AOPEP: variants seen among roughly 807,000 people sequenced by gnomAD.
The protein encoded by AOPEP is aminopeptidase O (putative), also known as aminopeptidase O.
A neutral mutation model predicts 98.1 loss-of-function variants in AOPEP; 77 were observed. The ratio of observed to expected loss-of-function variants is 0.78; its 90% CI spans 0.65 to 0.95. The LOEUF is 0.95. Among genes scored for constraint, AOPEP ranks in the 40% least tolerant of loss-of-function variants. AOPEP has a pLI of 0.00. For synonymous variants in AOPEP, 346 were observed against 365.3 expected, an observed-to-expected ratio of 0.95 and a Z score of 0.60; for missense variants, 1,024 against 1,024.7, an observed-to-expected ratio of 1.00 and a Z score of 0.01.
intron 7 of AOPEP, among the ~76,000 whole-genome samples, chr9:94,936,908 G>C (rs1240841370): frequency 6.6e-6 from 1 of 152,222 alleles, no homozygotes; most frequent in Non-Finnish European, 1.5e-5. Flanking sequence ...GGATACAGGT[G>C]AAGAGATGCA....
At chr9:95,022,626 A>G (rs1484364769) in intron 13 of AOPEP, among the ~76,000 whole-genome samples, 1 of 142,832 alleles carries the variant, frequency 7.0e-6, no homozygotes, top group Non-Finnish European at 1.5e-5. Context: ...GGCGTAAGCC[A>G]CCGCGTCTGG....
At chr9:94,765,716 C>T (rs1040200319) in intron 2 of AOPEP, among the ~76,000 whole-genome samples, 9 of 151,992 alleles carry the variant, frequency 5.9e-5, no homozygotes, top group African/African-American at 2.2e-4. Flanking sequence ...GAGAAGAAAA[C>T]ATATTTGAAG....
chr9:94,931,080 G>A (rs1412163937), intron 7 of AOPEP, among the ~76,000 whole-genome samples: 20 of 152,178 alleles, frequency 1.3e-4, no homozygotes, highest in Non-Finnish European at 2.9e-4. Context: ...GGGCATCTCA[G>A]TAAATGTGAG....
chr9:95,107,197 G>A, the AOPEP span: 1 of 1,614,212 alleles, frequency 6.2e-7, no homozygotes, highest in Non-Finnish European at 8.5e-7. Context: ...GCTACCGTCT[G>A]CAGGTCCTGG....
the AOPEP span, among the ~76,000 whole-genome samples, chr9:95,148,364 A>C: frequency 6.6e-6 from 1 of 152,212 alleles, no homozygotes. Flanking sequence ...ATGGAAATTG[A>C]CCTGAAAGAA....
intron 7 of AOPEP, among the ~76,000 whole-genome samples, chr9:94,935,540 G>T (rs1588973649): frequency 6.6e-6 from 1 of 152,078 alleles, no homozygotes; most frequent in Admixed American, 6.5e-5. Flanking sequence ...TCAGGCAGTG[G>T]ACCCCCAGGG....
intron 5 of AOPEP, among the ~76,000 whole-genome samples, chr9:94,864,344 A>G (rs1178621522): frequency 2.6e-5 from 4 of 152,226 alleles, no homozygotes; most frequent in Non-Finnish European, 4.4e-5. Context: ...TTTATTGGCT[A>G]TTACTCAGTT....
intron 3 of AOPEP, among the ~76,000 whole-genome samples, chr9:94,773,751 A>G (rs1469117714): frequency 2.0e-5 from 3 of 152,180 alleles, no homozygotes; most frequent in Admixed American, 6.5e-5. Context: ...GATCCTGAGC[A>G]TGTTGATGCC....
chr9:95,111,270 C>A, the AOPEP span: 1 of 1,551,108 alleles, frequency 6.4e-7, no homozygotes, highest in African/African-American at 1.4e-5. Flanking sequence ...CTGGCCACCT[C>A]GGTGGGGACA....
chr9:94,731,133 C>T (rs751688247), intron 1 of AOPEP, among the ~76,000 whole-genome samples: 2 of 152,120 alleles, frequency 1.3e-5, no homozygotes, highest in Non-Finnish European at 1.5e-5. Context: ...TCACTCCGCC[C>T]GGTAAGTGCT....
chr9:94,962,597 T>C (rs1209072276), intron 9 of AOPEP, among the ~76,000 whole-genome samples: 1 of 152,222 alleles, frequency 6.6e-6, no homozygotes, highest in East Asian at 1.9e-4. Context: ...AAATTGCTAG[T>C]TAGTTATTGA....
chr9:95,140,511 G>C, the AOPEP span, among the ~76,000 whole-genome samples: 4 of 151,356 alleles, frequency 2.6e-5, no homozygotes, highest in African/African-American at 9.7e-5. Flanking sequence ...CCAGAATGCA[G>C]AATTAAATTC....
At chr9:94,942,609 G>C (rs1409702368) in intron 7 of AOPEP, among the ~76,000 whole-genome samples, 4 of 152,132 alleles carry the variant, frequency 2.6e-5, no homozygotes, top group Non-Finnish European at 4.4e-5. Flanking sequence ...AAGGCATCCA[G>C]ATTGGAAAGG....
chr9:94,771,902 T>C (rs1227238359), intron 2 of AOPEP, among the ~76,000 whole-genome samples: 1 of 152,170 alleles, frequency 6.6e-6, no homozygotes, highest in Admixed American at 6.5e-5. Context: ...TCTTCTATCA[T>C]TTAAACTCAT....
At chr9:94,948,319 T>C (rs2057836163) in intron 7 of AOPEP, among the ~76,000 whole-genome samples, 1 of 151,894 alleles carries the variant, frequency 6.6e-6, no homozygotes, top group African/African-American at 2.4e-5. Flanking sequence ...ACAACTACCA[T>C]ATGCTCACCG....
intron 5 of AOPEP, among the ~76,000 whole-genome samples, chr9:94,909,324 C>A (rs1588838993): frequency 8.9e-6 from 1 of 112,608 alleles, no homozygotes; most frequent in South Asian, 2.8e-4. Flanking sequence ...GTGTTCAACC[C>A]AAAGGTGAAT....
At chr9:94,844,984 C>T (rs2042688210) in intron 5 of AOPEP, among the ~76,000 whole-genome samples, 1 of 152,198 alleles carries the variant, frequency 6.6e-6, no homozygotes, top group Non-Finnish European at 1.5e-5. Flanking sequence ...AATCAATTAA[C>T]AAATATTTAT....
intron 1 of AOPEP, among the ~76,000 whole-genome samples, chr9:94,744,994 T>G (rs1311776133): frequency 6.6e-6 from 1 of 152,172 alleles, no homozygotes; most frequent in Non-Finnish European, 1.5e-5. Context: ...GATATTGTGA[T>G]ACAGGTATAC....
chr9:94,923,412 C>T (rs970719365), intron 5 of AOPEP, among the ~76,000 whole-genome samples: 4 of 152,212 alleles, frequency 2.6e-5, no homozygotes, highest in East Asian at 1.9e-4. Context: ...TGGCCTTACA[C>T]GGTCTCGGCC....
Sources: allele counts gnomAD v4.1 joint callset (sites outside exome capture counted in the v4.1 genomes callset), GRCh38; gene constraint gnomAD v4.1.1; transcripts MANE v1.5; gene names NCBI Gene and HGNC (gene_info 2026-07-23, HGNC 2026-07-21).